TMEM63A: variants seen among roughly 807,000 people sequenced by gnomAD.
TMEM63A encodes transmembrane protein 63A.
A neutral mutation model predicts 100.6 loss-of-function variants in TMEM63A; 76 were observed. The observed-to-expected ratio is 0.76, with a 90% CI of 0.63 to 0.91. The LOEUF (loss-of-function observed/expected upper bound fraction) is 0.91. Among genes scored for constraint, TMEM63A ranks in the 40% least tolerant of loss-of-function variants. The probability of loss-of-function intolerance (pLI) is 0.00; values close to 1 mark genes in which losing one functional copy is unlikely to be tolerated. For synonymous variants in TMEM63A, 401 were observed against 401.1 expected (o/e 1.00, Z 0.00); for missense variants, 876 against 1,008.8 (o/e 0.87, Z 1.78).
Position 225,862,324 on chromosome 1 carries a change from T to C in TMEM63A, c.979A>G (p.Met327Val). The part of the protein sequence containing the change: ...WEDAISYYTR[M>V]KDRLLERITE... Reference sequence around the variant, plus strand: ...ATCCTCTCCAGCAGCCTGTCCTTCATCCGTGTGTAGTAAGAGATGGCGTCT... The same window carrying C: ...ATCCTCTCCAGCAGCCTGTCCTTCACCCGTGTGTAGTAAGAGATGGCGTCT... The change falls in exon 13 of 25, where the codon ATG (methionine) becomes GTG (valine). Residue 327 changes from methionine (M) to valine (V), a missense_variant. Met to Val is a conservative substitution (Grantham distance 21). Around this residue, in one of 5 missense-constraint regions of TMEM63A, gnomAD observed 487 missense variants for 581.9 expected, o/e 0.84. Transcript: ENST00000366835. The surrounding 1 kb of genome is among the most constrained non-coding windows in gnomAD (Gnocchi z 5.1). The C allele has an allele frequency of 6.2e-7, 1 of 1,614,182 alleles. No homozygotes were observed. Among genetic ancestry groups the C allele is most frequent in the Non-Finnish European group, 8.5e-7 (1 of 1,180,038 alleles).
Position 225,856,977 on chromosome 1 carries a change from C to A in TMEM63A, c.1418G>T (p.Trp473Leu). Residue 473 changes from tryptophan (W) to leucine (L), a missense_variant, in exon 16 of 25, where the codon TGG becomes TTG. This residue lies in a region of TMEM63A where 487 missense variants were observed against 581.9 expected (regional missense o/e 0.84). Coordinates refer to ENST00000366835, the MANE Select transcript of TMEM63A (RefSeq NM_014698.3). ...GGAGGGGAGCAGGGCCGAGAAGGAC[C>A]AGAGCAGGAGGGTGGGGAAGAACTG... Reference protein sequence around the residue: ...ISQFFPTLLLWSFSALLPSIV... With the variant: ...ISQFFPTLLLLSFSALLPSIV... 6.2e-7 allele frequency: 1 copy of A among 1,600,822 alleles called. No homozygotes were observed. The highest frequency in any genetic ancestry group is 8.5e-7 in the Non-Finnish European group (1 of 1,176,358).
At chr1:225,876,063 CAAAAAAAAAAAAAAAAAAAAAA>C (rs532420561) in intron 3 of TMEM63A, among the ~76,000 whole-genome samples, 25 of 32,922 alleles carry the variant, frequency 7.6e-4, no homozygotes, top group African/African-American at 2.2e-3. Context: ...GACCTTGTCT[CAAAAAAAAAAAAAAAAAAAAAA>C]AAAAAAAAAA....
rs1670287796 is a variant in TMEM63A, at chr1:225,867,786, G to A, written c.514+102C>T. 2.8e-6 allele frequency: 4 copies of A among 1,441,222 alleles called. No homozygotes were observed. In the East Asian group the frequency reaches 9.5e-5, roughly 34 times the overall value. 89.3% of individuals were successfully genotyped at this position (1,441,222 alleles called of 1,614,324 possible). A position where few individuals can be genotyped will look rare whatever the true frequency, so the allele number is the denominator to read the frequency against. Reference sequence around the variant, plus strand: ...CCTGAGACCATCTTACATCTGAAGTGGGGCATGACTCCTGGGGTTCTGGTC... The same window carrying A: ...CCTGAGACCATCTTACATCTGAAGTAGGGCATGACTCCTGGGGTTCTGGTC... On this transcript the variant is annotated intron_variant, in intron 7 of 24. Coordinates refer to ENST00000366835, the MANE Select transcript of TMEM63A (RefSeq NM_014698.3). This position sits in a 1 kb window ranked among gnomAD's most constrained non-coding sequence, Gnocchi z 4.6.
At position 225,877,584 on chromosome 1, in the gene TMEM63A, G is replaced by A. The variant is rs780199134; in HGVS notation, c.-4C>T. 16 of 1,611,900 alleles carry A rather than the reference G, an allele frequency of 9.9e-6. No individual in the cohort carries two copies. The highest frequency in any genetic ancestry group is 5.3e-5 in the African/African-American group (4 of 74,900). On this transcript the variant is annotated 5_prime_UTR_variant, in exon 3 of 25. Transcript: ENST00000366835. ...CCAGGAACGGGGAGTCCATCATCGC[G>A]CCTGTCTTCCCTGGAGCACAGGACA...
downstream of TMEM63A, chr1:225,842,601 C>A: frequency 1.3e-6 from 1 of 789,832 alleles, no homozygotes; most frequent in Non-Finnish European, 2.2e-6. Flanking sequence ...GGCTTTCTTA[C>A]AAATCCTCAC....
intron 17 of TMEM63A, among the ~76,000 whole-genome samples, chr1:225,856,296 C>T (rs1333022870): frequency 6.7e-6 from 1 of 150,126 alleles, no homozygotes; most frequent in Non-Finnish European, 1.5e-5. Context: ...AGGCGTGAGC[C>T]ACTGTGCCTG....
rs1669970913 is a variant in TMEM63A, at chr1:225,862,138, T to G, written c.1085+80A>C. On this transcript the variant is annotated intron_variant, in intron 13 of 24. Transcript: ENST00000366835. The surrounding 1 kb of genome is among the most constrained non-coding windows in gnomAD (Gnocchi z 5.1). ...GGGATGGTGGGTCAGCAGTACCATC[T>G]CCACTCGAGAGGGACAGTGAGTTAT... 1 of 1,574,460 alleles carries G rather than the reference T, an allele frequency of 6.4e-7. No individual in the cohort carries two copies.
At chr1:225,871,051 A>G in intron 6 of TMEM63A, 25 bp downstream of exon 6, 1 of 1,613,116 alleles carries the variant, frequency 6.2e-7, no homozygotes, top group Non-Finnish European at 8.5e-7. Context: ...AAGGCCCCCC[A>G]GCAGCTGCCC....
chr1:225,870,557 A>C (rs1334688015), intron 6 of TMEM63A, among the ~76,000 whole-genome samples: 1 of 152,182 alleles, frequency 6.6e-6, no homozygotes, highest in East Asian at 1.9e-4. Context: ...AAAAAAGAAA[A>C]CTTGTAACCA....
chr1:225,877,906 G>A (rs987497409), intron 2 of TMEM63A, among the ~76,000 whole-genome samples: 6 of 152,110 alleles, frequency 3.9e-5, no homozygotes, highest in Admixed American at 3.9e-4. Context: ...TGCAGCTGCT[G>A]TCTTAAGAAG....
intron 1 of TMEM63A, among the ~76,000 whole-genome samples, chr1:225,882,075 G>T (rs1671118458): frequency 6.6e-6 from 1 of 152,248 alleles, no homozygotes; most frequent in South Asian, 2.1e-4. Flanking sequence ...AGCCGGAGAG[G>T]AAAGTCCTGA....
chr1:225,846,777 G>C lies in TMEM63A; in HGVS notation c.*162C>G, dbSNP rs954683306. 6 of 377,982 alleles carry C rather than the reference G, an allele frequency of 1.6e-5. No individual in the cohort carries two copies. The highest frequency in any genetic ancestry group is 1.2e-4 in the African/African-American group (6 of 48,376). 23.4% of individuals were successfully genotyped at this position (377,982 alleles called of 1,614,324 possible). On this transcript the variant is annotated 3_prime_UTR_variant, in exon 25 of 25. Transcript: ENST00000366835. Reference sequence around the variant, plus strand: ...GCCGGAGGGGAAACTGGGTGAGCAAGGGAGGGGCGAGGCCTGCCTGTGCTC... The same window carrying C: ...GCCGGAGGGGAAACTGGGTGAGCAACGGAGGGGCGAGGCCTGCCTGTGCTC...
rs189938473 is a variant in TMEM63A, at chr1:225,873,336, A to G, written c.266+952T>C. On this transcript the variant is annotated intron_variant, in intron 4 of 24. Transcript: ENST00000366835. ...CAAGGTCATCATCACCTCAGGCTTTAGCAAATCCCAGAGCAGGGATCACGG... is the reference window on the plus strand; with the variant it reads ...CAAGGTCATCATCACCTCAGGCTTTGGCAAATCCCAGAGCAGGGATCACGG... 3.2e-4 allele frequency among the ~76,000 whole-genome samples: 49 copies of G among 152,320 alleles called. No homozygotes were observed. In the East Asian group the frequency reaches 8.9e-3, roughly 28 times the overall value.
intron 23 of TMEM63A, among the ~76,000 whole-genome samples, chr1:225,847,894 G>A (rs912422530): frequency 1.3e-4 from 20 of 152,144 alleles, no homozygotes; most frequent in African/African-American, 4.1e-4. Flanking sequence ...TCCTGGCCAC[G>A]GCTGTCAGGA....
In TMEM63A at chr1:225,848,954, G is replaced by C. The variant is rs773330571; in HGVS notation, c.2130C>G (p.Val710=). The part of the protein sequence containing the change: ...TFLVLLLTIL[V]CLAHTCFGCF... Reference sequence around the variant, plus strand: ...ATCCAAAGCAGGTGTGAGCCAGGCAGACCAGGATGGTGAGCAGCAGCACCA... The same window carrying C: ...ATCCAAAGCAGGTGTGAGCCAGGCACACCAGGATGGTGAGCAGCAGCACCA... Residue 710 remains valine (V), a synonymous_variant, in exon 22 of 25, where the codon GTC becomes GTG. Transcript: ENST00000366835. 65 of 1,584,264 alleles carry C rather than the reference G, an allele frequency of 4.1e-5. 2 individuals are homozygous for C. In the South Asian group the frequency reaches 7.3e-4, roughly 18 times the overall value.
chr1:225,868,202 G>T (rs969004357), intron 6 of TMEM63A, among the ~76,000 whole-genome samples, 172 bp from the exon 7 acceptor site: 12 of 152,124 alleles, frequency 7.9e-5, no homozygotes, highest in African/African-American at 2.9e-4. Flanking sequence ...TAACTTTCAG[G>T]ATCTCACATG....
intron 10 of TMEM63A, chr1:225,864,586 C>T (rs949567753): frequency 1.3e-5 from 2 of 152,134 alleles, no homozygotes; most frequent in African/African-American, 4.8e-5. Flanking sequence ...GCCTAGCAGG[C>T]AACTTTGAGG....
chr1:225,869,652 A>ATTTAT (rs140570777), intron 6 of TMEM63A, among the ~76,000 whole-genome samples: 1 of 122,128 alleles, frequency 8.2e-6, no homozygotes, highest in African/African-American at 3.3e-5. Flanking sequence ...TCATTTTCAT[A>ATTTAT]TTTCTTTTCT....
At chr1:225,852,446 A>C (rs1252991424) in intron 20 of TMEM63A, among the ~76,000 whole-genome samples, 3 of 152,192 alleles carry the variant, frequency 2.0e-5, no homozygotes, top group African/African-American at 7.2e-5. Context: ...AGATCATGCC[A>C]CTCCAGCCTG....
Sources: gnomAD v4.1 joint callset for allele counts (sites outside exome capture counted in the v4.1 genomes callset) on GRCh38, gnomAD v4.1.1 for gene constraint, gnomAD v4.1.1 regional missense constraint, Gnocchi (gnomAD v3.1) non-coding constraint, MANE v1.5 for transcripts, NCBI Gene and HGNC (gene_info 2026-07-23, HGNC 2026-07-21) for gene names.